The following OSBPL8 variants were observed in gnomAD, a reference collection of about 807,000 sequenced individuals.
OSBPL8 encodes oxysterol binding protein like 8, also known as oxysterol-binding protein-related protein 8.
A neutral mutation model predicts 125.5 loss-of-function variants in OSBPL8; 59 were observed. That is an observed-to-expected ratio of 0.47 (90% CI 0.38 to 0.58). The LOEUF (loss-of-function observed/expected upper bound fraction) is 0.58, where lower values mean the gene tolerates loss of function less well. Ranked by LOEUF, OSBPL8 falls within the 20% of genes least tolerant of loss-of-function variation. OSBPL8 has a pLI of 0.00. For synonymous variants in OSBPL8, 330 were observed against 338.9 expected (o/e 0.97, Z 0.29); for missense variants, 758 against 1,047.8 (o/e 0.72, Z 3.82).
intron 1 of OSBPL8, among the ~76,000 whole-genome samples, chr12:76,545,561 C>A (rs976303703): frequency 1.3e-5 from 2 of 152,006 alleles, no homozygotes; most frequent in African/African-American, 4.8e-5. Context: ...ATATTCAATC[C>A]CAAAAGAAAT....
Position 76,384,286 on chromosome 12 carries a change from C to T in OSBPL8, c.1598G>A (p.Ser533Asn). ...VSNRKDGFCL[S>N]GSILAKSKFY... The stretch of plus-strand genomic sequence containing the variant: ...CTTAGACTTAGCCAGGATACTACCG[C>T]TAAGGCAAAATCCATCTTTTCGATT... Residue 533 changes from serine (S) to asparagine (N), a missense_variant, in exon 15 of 24, where the codon AGC (serine) becomes AAC (asparagine). Coordinates refer to ENST00000261183, the MANE Select transcript of OSBPL8 (RefSeq NM_020841.5). The T allele has an allele frequency of 6.4e-7, 1 of 1,565,526 alleles. No homozygotes were observed. The highest frequency in any genetic ancestry group is 1.2e-5 in the South Asian group (1 of 81,378).
chr12:76,485,905 A>C (rs1021673689), intron 2 of OSBPL8: 3 of 278,936 alleles, frequency 1.1e-5, no homozygotes, highest in Non-Finnish European at 2.2e-5. Context: ...AAAGTATTTG[A>C]GTTGAAAGAA....
At chr12:76,530,211 C>T (rs1176458108) in intron 1 of OSBPL8, among the ~76,000 whole-genome samples, 4 of 146,248 alleles carry the variant, frequency 2.7e-5, no homozygotes, top group Non-Finnish European at 4.5e-5. Flanking sequence ...CACGTGCCAC[C>T]GGGCCTGGCT....
At chr12:76,551,756 C>G (rs1376635975) in intron 1 of OSBPL8, among the ~76,000 whole-genome samples, 1 of 152,162 alleles carries the variant, frequency 6.6e-6, no homozygotes, top group Non-Finnish European at 1.5e-5. Flanking sequence ...TTGGCCCCAC[C>G]CACCTCAGCT....
intron 21 of OSBPL8, among the ~76,000 whole-genome samples, chr12:76,364,271 T>C (rs530844666): frequency 1.1e-3 from 171 of 152,184 alleles, no homozygotes; most frequent in Non-Finnish European, 2.2e-3. Flanking sequence ...CAGTGATAGA[T>C]TGGATAAAGA....
At chr12:76,382,842 C>T (rs1485590226) in intron 15 of OSBPL8, among the ~76,000 whole-genome samples, 1 of 152,134 alleles carries the variant, frequency 6.6e-6, no homozygotes, top group Non-Finnish European at 1.5e-5. Context: ...GAGATTGTGC[C>T]ATTGCACTCA....
At chr12:76,386,142 TG>T in intron 14 of OSBPL8, 25 bp downstream of exon 14, 2 of 1,595,982 alleles carry the variant, frequency 1.3e-6, no homozygotes, top group Non-Finnish European at 1.7e-6. Context: ...AGATCAGTTT[TG>T]TTTCCATACA....
intron 14 of OSBPL8, 177 bp downstream of exon 14, chr12:76,385,991 C>G: frequency 1.2e-6 from 1 of 822,274 alleles, no homozygotes; most frequent in Non-Finnish European, 1.7e-6. Flanking sequence ...ATAATAGTAC[C>G]TATGAATATA....
intron 4 of OSBPL8, among the ~76,000 whole-genome samples, chr12:76,436,446 T>C (rs562303860): frequency 3.8e-4 from 58 of 152,198 alleles, no homozygotes; most frequent in African/African-American, 1.4e-3. Context: ...TTTTGAAATT[T>C]GTGGACCAGT....
At chr12:76,420,243 G>GA (rs1448391504) in intron 4 of OSBPL8, among the ~76,000 whole-genome samples, 1 of 151,858 alleles carries the variant, frequency 6.6e-6, no homozygotes, top group African/African-American at 2.4e-5. Flanking sequence ...CAAGAGCCAA[G>GA]AAAAAAATCT....
intron 19 of OSBPL8, among the ~76,000 whole-genome samples, 195 bp from the exon 20 acceptor site, chr12:76,370,017 T>C (rs543199502): frequency 6.7e-4 from 102 of 152,306 alleles, no homozygotes; most frequent in African/African-American, 2.3e-3. Flanking sequence ...GACCTGTTCA[T>C]AAGTGGAGAC....
At chr12:76,450,807 CA>C (rs1565906805) in intron 4 of OSBPL8, 43 bp downstream of exon 4, 1 of 1,538,738 alleles carries the variant, frequency 6.5e-7, no homozygotes, top group Non-Finnish European at 8.8e-7. Context: ...CCTCCAAAAA[CA>C]AAAACAAAAA....
intron 3 of OSBPL8, among the ~76,000 whole-genome samples, chr12:76,455,990 T>TTAC (rs1398911881): frequency 6.6e-6 from 1 of 152,212 alleles, no homozygotes; most frequent in African/African-American, 2.4e-5. Flanking sequence ...GCTACTCACA[T>TTAC]TACTCATCTT....
chr12:76,528,101 T>C (rs1374808158), intron 1 of OSBPL8, among the ~76,000 whole-genome samples: 3 of 152,132 alleles, frequency 2.0e-5, no homozygotes, highest in Non-Finnish European at 4.4e-5. Context: ...GGTGGGCGGA[T>C]CACGAGGTCA....
chr12:76,531,350 C>CT (rs1950333643), intron 1 of OSBPL8, among the ~76,000 whole-genome samples: 1 of 152,198 alleles, frequency 6.6e-6, no homozygotes, highest in African/African-American at 2.4e-5. Context: ...GATCAGCAAT[C>CT]TAAATTTGAC....
chr12:76,516,817 CTT>C (rs71668730), intron 1 of OSBPL8, among the ~76,000 whole-genome samples: 23 of 130,794 alleles, frequency 1.8e-4, no homozygotes, highest in Non-Finnish European at 2.4e-4. Context: ...CTTTTCTTTT[CTT>C]TTTTTTTTTT....
At chr12:76,538,581 A>G (rs929142295) in intron 1 of OSBPL8, among the ~76,000 whole-genome samples, 4 of 152,234 alleles carry the variant, frequency 2.6e-5, no homozygotes, top group African/African-American at 9.6e-5. Context: ...CTTTAAGTAT[A>G]GTTCAAAGGC....
At chr12:76,452,695 C>G (rs1173611604) in intron 3 of OSBPL8, among the ~76,000 whole-genome samples, 1 of 152,194 alleles carries the variant, frequency 6.6e-6, no homozygotes, top group Admixed American at 6.5e-5. Flanking sequence ...AATCCATAAC[C>G]TGGAAATTCA....
intron 1 of OSBPL8, among the ~76,000 whole-genome samples, chr12:76,544,238 C>T (rs1458321771): frequency 6.6e-6 from 1 of 152,120 alleles, no homozygotes; most frequent in Non-Finnish European, 1.5e-5. Context: ...TTCACCCCTG[C>T]GGTCACTGCT....
Sources: allele counts gnomAD v4.1 joint callset (sites outside exome capture counted in the v4.1 genomes callset), GRCh38; gene constraint gnomAD v4.1.1; transcripts MANE v1.5; gene names NCBI Gene and HGNC (gene_info 2026-07-23, HGNC 2026-07-21).